Variants in ITGAE observed in about 807,000 individuals in gnomAD.
ITGAE encodes the protein integrin subunit alpha E, also known as integrin alpha-E.
Under a neutral mutation model 136.5 loss-of-function variants are expected in ITGAE, and 99 were observed. The observed-to-expected ratio is 0.73, with a 90% CI of 0.62 to 0.86. The LOEUF is 0.86. Among genes scored for constraint, ITGAE ranks in the 40% least tolerant of loss-of-function variants. The pLI is 0.00. For missense variants in ITGAE, 1,447 were observed against 1,515.3 expected (o/e 0.95, Z 0.75); for synonymous variants, 613 against 591.8 (o/e 1.04, Z -0.52).
intron 1 of ITGAE, among the ~76,000 whole-genome samples, chr17:3,785,664 C>T (rs570281001): frequency 2.6e-5 from 4 of 151,530 alleles, no homozygotes; most frequent in African/African-American, 7.3e-5. Context: ...AAAGGAAGTA[C>T]GGGAAGGAAT....
chr17:3,750,293 G>C, intron 16 of ITGAE, 59 bp downstream of exon 16: 2 of 1,600,178 alleles, frequency 1.2e-6, no homozygotes, highest in Non-Finnish European at 1.7e-6. Context: ...GAGCTATTTA[G>C]AGCAGGGCAA....
At chr17:3,757,178 C>A (rs369973639) in intron 9 of ITGAE, 44 bp from the exon 10 acceptor site, 2 of 1,598,788 alleles carry the variant, frequency 1.3e-6, no homozygotes, top group African/African-American at 2.7e-5. Context: ...TGCGTGGATT[C>A]CCCAGGCCCA....
rs565724323 is a variant in ITGAE at position 3,798,346 on chromosome 17, C to T, written c.34+2765G>A. ...CGCACCTCCAGGGCCCAGCATGTCC[C>T]GATTTGGGGCGGGGCTGGAAGGGAA... On this transcript the variant is annotated intron_variant, in intron 1 of 30. Coordinates refer to ENST00000263087, the MANE Select transcript of ITGAE (RefSeq NM_002208.5). This position sits in a 1 kb window ranked among gnomAD's most constrained non-coding sequence, Gnocchi z 4.3. 4.6e-5 allele frequency among the ~76,000 whole-genome samples: 7 copies of T among 152,148 alleles called. No individual in the cohort carries two copies. Among genetic ancestry groups the T allele is most frequent in the African/African-American group, 1.7e-4 (7 of 41,416 alleles).
intron 28 of ITGAE, among the ~76,000 whole-genome samples, chr17:3,721,173 C>T (rs1044111591): frequency 6.6e-6 from 1 of 151,980 alleles, no homozygotes; most frequent in Non-Finnish European, 1.5e-5. Context: ...AAGCAATCCA[C>T]CCACCTTAGC....
At chr17:3,769,536 G>A (rs1457855382) in intron 2 of ITGAE, among the ~76,000 whole-genome samples, 1 of 152,196 alleles carries the variant, frequency 6.6e-6, no homozygotes, top group Non-Finnish European at 1.5e-5. Flanking sequence ...TGTTGACCAC[G>A]TGGCTGACAA....
Position 3,732,463 on chromosome 17 carries a change from G to A in ITGAE, c.2659C>T (p.Pro887Ser). The change falls in exon 22 of 31, where the codon CCC becomes TCC. Residue 887 changes from proline (P) to serine (S), a missense_variant. Around this residue, in one of 3 missense-constraint regions of ITGAE, gnomAD observed 1,031 missense variants for 1,011.4 expected, o/e 1.02. Transcript: ENST00000263087. Reference protein sequence around the residue: ...NLQLKRMQKPPSPNIQCDDPQ... With the variant: ...NLQLKRMQKPSSPNIQCDDPQ... ...TCATCACACTGAATGTTTGGAGAGG[G>A]AGGCTGTTAAAAGAGCAGATGACAT... 6.2e-7 allele frequency: 1 copy of A among 1,613,706 alleles called. No homozygotes were observed. The highest frequency in any genetic ancestry group is 8.5e-7 in the Non-Finnish European group (1 of 1,179,592).
At chr17:3,774,941 C>T (rs1194715271) in intron 2 of ITGAE, among the ~76,000 whole-genome samples, 3 of 152,026 alleles carry the variant, frequency 2.0e-5, no homozygotes, top group Non-Finnish European at 4.4e-5. Context: ...ATTTTACTTA[C>T]TTGCTTCTTT....
rs765669199 is a variant in ITGAE at position 3,757,097 on chromosome 17, T to C, written c.1058A>G (p.Glu353Gly). 6.2e-7 allele frequency: 1 copy of C among 1,614,102 alleles called. No individual in the cohort carries two copies. Among genetic ancestry groups the C allele is most frequent in the Non-Finnish European group, 8.5e-7 (1 of 1,180,002 alleles). The change falls in exon 10 of 31, where the codon GAA (glutamate) becomes GGA (glycine). Residue 353 changes from glutamate (E) to glycine (G), a missense_variant. Physicochemically the swap from Glu to Gly is moderately conservative, Grantham distance 98 (BLOSUM62 -2). Coordinates refer to ENST00000263087, the MANE Select transcript of ITGAE (RefSeq NM_002208.5). ...EEFKSARTARELNLIASDPDE... is the reference protein window; with the variant it reads ...EEFKSARTARGLNLIASDPDE... ...CGGGTCTGAGGCGATCAGGTTCAGT[T>C]CCCTCGCAGTCCTAGCACTCTTAAA...
chr17:3,723,951 C>A, intron 26 of ITGAE: 1 of 1,562,074 alleles, frequency 6.4e-7, no homozygotes, highest in African/African-American at 1.4e-5. Flanking sequence ...GGCTTCGCTC[C>A]CGGGACCTGG....
chr17:3,772,602 T>C (rs2052453021), intron 2 of ITGAE, among the ~76,000 whole-genome samples: 1 of 152,048 alleles, frequency 6.6e-6, no homozygotes, highest in African/African-American at 2.4e-5. Context: ...CAGCTGGGAC[T>C]ACAGGTGCGC....
Position 3,714,809 on chromosome 17 carries a change from A to G in ITGAE, c.*38T>C. On this transcript the variant is annotated 3_prime_UTR_variant, in exon 31 of 31. Coordinates refer to ENST00000263087, the MANE Select transcript of ITGAE (RefSeq NM_002208.5). ...AAAGGATGCTGGGTCTCCAAGTCCCAGGACTGGCTGATAGCCTCTCCCAGT... is the reference window on the plus strand; with the variant it reads ...AAAGGATGCTGGGTCTCCAAGTCCCGGGACTGGCTGATAGCCTCTCCCAGT... 1 of 1,215,678 alleles carries G rather than the reference A, an allele frequency of 8.2e-7. No homozygotes were observed. Among genetic ancestry groups the G allele is most frequent in the Non-Finnish European group, 1.2e-6 (1 of 822,346 alleles). 75.3% of individuals were successfully genotyped at this position (1,215,678 alleles called of 1,614,324 possible).
intron 1 of ITGAE, among the ~76,000 whole-genome samples, chr17:3,782,340 AGTGTGTGT>A (rs151134975): frequency 9.1e-6 from 1 of 109,618 alleles, no homozygotes; most frequent in African/African-American, 3.5e-5. Context: ...TTAAATCTCT[AGTGTGTGT>A]GTGTGTGTGT....
intron 7 of ITGAE, 60 bp from the exon 8 acceptor site, chr17:3,759,613 T>C (rs746377614): frequency 1.3e-6 from 2 of 1,572,226 alleles, no homozygotes; most frequent in Admixed American, 1.7e-5. Context: ...GCCCCTGAAA[T>C]GTCTCCCGCT....
At chr17:3,724,564 T>C in intron 26 of ITGAE, 2 of 1,613,904 alleles carry the variant, frequency 1.2e-6, no homozygotes, top group South Asian at 2.2e-5. Flanking sequence ...CTCCCAGAAG[T>C]CTCCCTGGAC....
intron 23 of ITGAE, among the ~76,000 whole-genome samples, chr17:3,730,773 C>A (rs750437702): frequency 6.6e-6 from 1 of 152,188 alleles, no homozygotes; most frequent in Non-Finnish European, 1.5e-5. Context: ...GCGTTCCCCA[C>A]CTTACCCCCC....
At chr17:3,722,087 G>A (rs959596716) in intron 28 of ITGAE, among the ~76,000 whole-genome samples, 129 of 152,190 alleles carry the variant, frequency 8.5e-4, no homozygotes, top group Non-Finnish European at 1.6e-3. Context: ...GCTGAGGCAG[G>A]AGAATCGCTT....
intron 1 of ITGAE, among the ~76,000 whole-genome samples, chr17:3,782,253 TGA>T (rs1374116229): frequency 3.3e-4 from 35 of 106,876 alleles, no homozygotes; most frequent in African/African-American, 1.2e-3. Context: ...CCAGCCCGGG[TGA>T]GAGAGTGAGA....
chr17:3,801,133 G>A lies in ITGAE; in HGVS notation c.12C>T (p.Phe4=), dbSNP rs756088075. 1 of 1,612,124 alleles carries A rather than the reference G, an allele frequency of 6.2e-7. No homozygotes were observed. The highest frequency in any genetic ancestry group is 1.1e-5 in the South Asian group (1 of 91,082). The stretch of plus-strand genomic sequence containing the variant: ...TACTGGCTATGCAGAGCAGAGTGTG[G>A]AAGAGCCACATCCTTGCTGGAGCAG... MWL[F]HTLLCIASLA... is the part of the protein sequence containing the mutation. Residue 4 remains phenylalanine, a synonymous_variant, in exon 1 of 31, where the codon TTC becomes TTT. Transcript: ENST00000263087.
intron 18 of ITGAE, among the ~76,000 whole-genome samples, 197 bp downstream of exon 18, chr17:3,745,567 C>A (rs561978456): frequency 6.6e-6 from 1 of 152,196 alleles, no homozygotes; most frequent in African/African-American, 2.4e-5. Context: ...GTCTCGAACT[C>A]CTGACCTCAA....
Sources: gnomAD v4.1 joint callset for allele counts (sites outside exome capture counted in the v4.1 genomes callset) on GRCh38, gnomAD v4.1.1 for gene constraint, gnomAD v4.1.1 regional missense constraint, Gnocchi (gnomAD v3.1) non-coding constraint, MANE v1.5 for transcripts, NCBI Gene and HGNC (gene_info 2026-07-23, HGNC 2026-07-21) for gene names.